Variants in GRM4 observed in about 807,000 individuals in gnomAD.
GRM4 encodes metabotropic glutamate receptor 4.
GRM4 carries 28 observed loss-of-function variants against 81.7 expected under a neutral mutation model. That is an observed-to-expected ratio of 0.34 (90% CI 0.25 to 0.47). The LOEUF is 0.47. Ranked by LOEUF, GRM4 falls within the 20% of genes least tolerant of loss-of-function variation. The probability of loss-of-function intolerance (pLI) is 1.00; values close to 1 mark genes in which losing one functional copy is unlikely to be tolerated. For missense variants in GRM4, 948 were observed against 1,290.0 expected (o/e 0.73, Z 4.06); for synonymous variants, 488 against 528.8 (o/e 0.92, Z 1.06).
intron 10 of GRM4, 137 bp downstream of exon 10, chr6:34,027,983 C>T: frequency 3.1e-6 from 3 of 970,950 alleles, no homozygotes; most frequent in Non-Finnish European, 4.5e-6. Flanking sequence ...CTCAGGGTTC[C>T]CCCAGTGTCC....
At chr6:34,030,928 C>T (rs1357096674) in intron 9 of GRM4, among the ~76,000 whole-genome samples, 1 of 152,218 alleles carries the variant, frequency 6.6e-6, no homozygotes, top group Non-Finnish European at 1.5e-5. Flanking sequence ...AGGCCCTGTA[C>T]ACAGCAGGAG....
At chr6:34,029,869 C>A (rs1054937381) in intron 9 of GRM4, among the ~76,000 whole-genome samples, 2 of 152,238 alleles carry the variant, frequency 1.3e-5, no homozygotes, top group Non-Finnish European at 2.9e-5. Flanking sequence ...TGGCGTGGCC[C>A]AGGTCAGGCA....
intron 2 of GRM4, among the ~76,000 whole-genome samples, chr6:34,126,045 T>C (rs558651573): frequency 9.2e-5 from 14 of 152,296 alleles, no homozygotes; most frequent in Admixed American, 9.1e-4. Flanking sequence ...ATCACACCCA[T>C]TTCACAGGCG....
rs1487939457 is a variant in GRM4, at chr6:34,035,241, TAGG to T, written c.2442+424_2442+426del. 2.3e-5 allele frequency among the ~76,000 whole-genome samples: 3 copies of T among 130,776 alleles called. No homozygotes were observed. The highest frequency in any genetic ancestry group is 4.7e-5 in the Non-Finnish European group (3 of 64,380). The allele number at this position is 130,776 out of a possible 152,430, so 85.8% of individuals were successfully genotyped here. A position where few individuals can be genotyped will look rare whatever the true frequency, so the allele number is the denominator to read the frequency against. On this transcript the variant is annotated intron_variant, in intron 9 of 10. Coordinates refer to ENST00000538487, the MANE Select transcript of GRM4 (RefSeq NM_000841.4). This position sits in a 1 kb window ranked among gnomAD's most constrained non-coding sequence, Gnocchi z 6.6. ...ATGGAGGGGGGAAGGGGTGAGAGAATAGGAGGAGGAAAGAATGAAAGGAGATGG... is the reference window on the plus strand; with the variant it reads ...ATGGAGGGGGGAAGGGGTGAGAGAATAGGAGGAAAGAATGAAAGGAGATGG...
chr6:34,137,499 C>T (rs1182045501), intron 1 of GRM4, among the ~76,000 whole-genome samples: 2 of 152,218 alleles, frequency 1.3e-5, no homozygotes, highest in Non-Finnish European at 2.9e-5. Flanking sequence ...GGAGTCCCCA[C>T]ACATCCCAGC....
chr6:34,145,963 C>G (rs1426883593), intron 1 of GRM4, 37 bp downstream of exon 1: 2 of 982,766 alleles, frequency 2.0e-6, no homozygotes, highest in South Asian at 9.4e-5. Context: ...GGAAGCCCCC[C>G]CCTTCCTCCT....
chr6:34,110,309 C>CA (rs3041237), intron 2 of GRM4, among the ~76,000 whole-genome samples: 5,923 of 78,954 alleles, frequency 0.075, 487 homozygotes, highest in African/African-American at 0.2. Flanking sequence ...CAACACCCAC[C>CA]AAAAAAAAAA....
At chr6:34,102,349 A>T (rs1356638176) in intron 2 of GRM4, among the ~76,000 whole-genome samples, 1 of 151,818 alleles carries the variant, frequency 6.6e-6, no homozygotes, top group African/African-American at 2.4e-5. Flanking sequence ...ATCTCCAGCC[A>T]CTCCCAGCTT....
chr6:34,073,805 G>A lies in GRM4; in HGVS notation c.737-11777C>T, dbSNP rs542995381. ...GAATCCTTTCCCACGGAGGCCCTGC[G>A]AGGCCCTAGCATGCACCAGGGGCTG... On this transcript the variant is annotated intron_variant, in intron 3 of 10. Transcript: ENST00000538487. Among the ~76,000 whole-genome samples, 19 of 152,204 alleles carry A rather than the reference G, an allele frequency of 1.2e-4. No individual in the cohort carries two copies. In the South Asian group the frequency reaches 2.7e-3, roughly 22 times the overall value.
At chr6:34,144,556 G>A (rs1301263764) in intron 1 of GRM4, among the ~76,000 whole-genome samples, 1 of 152,224 alleles carries the variant, frequency 6.6e-6, no homozygotes, top group Admixed American at 6.5e-5. Flanking sequence ...CGGGCAAGCG[G>A]TTGCCGGGCT....
In GRM4 at chr6:34,102,187, C is replaced by T. The variant is rs749024642; in HGVS notation, c.520-10088G>A. 3.3e-4 allele frequency: 508 copies of T among 1,528,440 alleles called. 1 individual carries two copies. Among genetic ancestry groups the T allele is most frequent in the Non-Finnish European group, 3.9e-4 (443 of 1,141,502 alleles). The allele number at this position is 1,528,440 out of a possible 1,614,324, so 94.7% of individuals were successfully genotyped here. ...GGGGACAGGAGCAATAATAGGTCTC[C>T]CCACTTCCTGCAAAATTCACACACC... On this transcript the variant is annotated intron_variant, in intron 2 of 10. Transcript: ENST00000538487.
intron 3 of GRM4, among the ~76,000 whole-genome samples, chr6:34,073,575 C>T (rs1284730202): frequency 2.0e-5 from 3 of 152,070 alleles, no homozygotes; most frequent in Non-Finnish European, 4.4e-5. Context: ...TCACATATAA[C>T]AAGCCTGCCT....
In GRM4 at chr6:34,047,160, A is replaced by C. The variant is rs148776327; in HGVS notation, c.1169-6412T>G. On this transcript the variant is annotated intron_variant, in intron 6 of 10. Coordinates refer to ENST00000538487, the MANE Select transcript of GRM4 (RefSeq NM_000841.4). This position sits in a 1 kb window ranked among gnomAD's most constrained non-coding sequence, Gnocchi z 4.5. The stretch of plus-strand genomic sequence containing the variant: ...AGATGCAACACCATGTCTTGTGCAC[A>C]GAAGTCCTCTCTCAGCCTCAGCTCT... Among the ~76,000 whole-genome samples the C allele has an allele frequency of 6.6e-6, 1 of 152,114 alleles. No individual in the cohort carries two copies. The highest frequency in any genetic ancestry group is 6.5e-5 in the Admixed American group (1 of 15,284).
At chr6:34,132,907 G>C (rs1770300013) in intron 2 of GRM4, 71 bp downstream of exon 2, 3 of 1,315,900 alleles carry the variant, frequency 2.3e-6, no homozygotes, top group South Asian at 1.4e-5. Context: ...GGCCAGGCCT[G>C]GCACCCTGAA....
intron 3 of GRM4, among the ~76,000 whole-genome samples, chr6:34,076,605 G>A (rs963344591): frequency 2.0e-5 from 3 of 152,218 alleles, no homozygotes; most frequent in African/African-American, 7.2e-5. Context: ...CTTGGTGGAG[G>A]GGGTGGTAAC....
chr6:34,145,937 AC>A (rs1356793586), intron 1 of GRM4, 62 bp downstream of exon 1: 2 of 892,172 alleles, frequency 2.2e-6, no homozygotes, highest in African/African-American at 4.4e-5. Context: ...ACCACACCCC[AC>A]CGGCGCCCTC....
intron 9 of GRM4, among the ~76,000 whole-genome samples, chr6:34,033,679 CTT>C: frequency 6.8e-6 from 1 of 146,510 alleles, no homozygotes. Context: ...CTTTCTTTCT[CTT>C]TCTCTCTCTC....
At chr6:34,122,609 G>A (rs1769854979) in intron 2 of GRM4, among the ~76,000 whole-genome samples, 1 of 146,324 alleles carries the variant, frequency 6.8e-6, no homozygotes, top group Non-Finnish European at 1.5e-5. Context: ...TCATTCAGCG[G>A]TGGGCGGGGG....
intron 3 of GRM4, among the ~76,000 whole-genome samples, chr6:34,072,968 CCACA>C (rs1321784135): frequency 3.6e-5 from 3 of 83,838 alleles, no homozygotes; most frequent in Non-Finnish European, 7.4e-5. Flanking sequence ...ACATGCATCA[CCACA>C]CAGATACATA....
Sources: gnomAD v4.1 joint callset for allele counts (sites outside exome capture counted in the v4.1 genomes callset) on GRCh38, gnomAD v4.1.1 for gene constraint, Gnocchi (gnomAD v3.1) non-coding constraint, MANE v1.5 for transcripts, NCBI Gene and HGNC (gene_info 2026-07-23, HGNC 2026-07-21) for gene names.